The following MSN variants were observed in gnomAD, a reference collection of about 807,000 sequenced individuals.
The protein encoded by MSN is epididymis luminal protein 70.
A neutral mutation model predicts 48.0 loss-of-function variants in MSN; 2 were observed. That is an observed-to-expected ratio of 0.04 (90% CI 0.02 to 0.13). The LOEUF is 0.13. Ranked by LOEUF, MSN falls within the 10% of genes least tolerant of loss-of-function variation. The pLI is 1.00. For synonymous variants in MSN, 146 were observed against 166.9 expected, an observed-to-expected ratio of 0.87 and a Z score of 0.97; for missense variants, 267 against 470.1, an observed-to-expected ratio of 0.57 and a Z score of 3.99.
At chrX:65,615,086 T>G (rs1352971310) in intron 1 of MSN, among the ~76,000 whole-genome samples, 2 of 107,626 alleles carry the variant, frequency 1.9e-5, no homozygotes, top group East Asian at 5.8e-4. Context: ...TGCCACATTT[T>G]CTTAATCCAG....
intron 1 of MSN, among the ~76,000 whole-genome samples, chrX:65,641,633 A>G (rs2070655074): frequency 1.2e-5 from 1 of 82,476 alleles, no homozygotes; most frequent in Non-Finnish European, 2.3e-5. Flanking sequence ...AAAATGACTG[A>G]TGATACCAAG....
At chrX:65,703,175 AG>A (rs774541267) in intron 1 of MSN, among the ~76,000 whole-genome samples, 1 of 111,512 alleles carries the variant, frequency 9.0e-6, no homozygotes, top group African/African-American at 3.3e-5. Flanking sequence ...TATGGCTAAA[AG>A]GGGAGGGATT....
At chrX:65,698,768 G>C (rs1041960365) in intron 1 of MSN, among the ~76,000 whole-genome samples, 1 of 112,312 alleles carries the variant, frequency 8.9e-6, no homozygotes, top group African/African-American at 3.2e-5. Context: ...CTTCAGAGTA[G>C]AGATTGACCT....
chrX:65,679,712 A>C (rs1002778484), intron 1 of MSN, among the ~76,000 whole-genome samples: 1 of 112,350 alleles, frequency 8.9e-6, no homozygotes, highest in African/African-American at 3.2e-5. Context: ...TCTCACTGAC[A>C]CTTTATCCAG....
At chrX:65,709,843 C>A (rs376223189) in intron 1 of MSN, among the ~76,000 whole-genome samples, 2 of 111,800 alleles carry the variant, frequency 1.8e-5, no homozygotes, top group South Asian at 3.7e-4. Flanking sequence ...TCCCACCCCC[C>A]CTTAGTTTCC....
At chrX:65,682,687 A>G (rs2071069301) in intron 1 of MSN, among the ~76,000 whole-genome samples, 1 of 112,196 alleles carries the variant, frequency 8.9e-6, no homozygotes, top group South Asian at 3.7e-4. Flanking sequence ...TATCCCCGGT[A>G]CCCAACACAA....
At chrX:65,630,408 AAAAAT>A (rs1406439049) in intron 1 of MSN, among the ~76,000 whole-genome samples, 7 of 110,781 alleles carry the variant, frequency 6.3e-5, no homozygotes, top group Non-Finnish European at 1.1e-4. Flanking sequence ...CCATTTGTTA[AAAAAT>A]AAAATAAAAC....
chrX:65,649,153 C>T (rs948983019), intron 1 of MSN, among the ~76,000 whole-genome samples: 2 of 108,031 alleles, frequency 1.9e-5, no homozygotes, highest in Non-Finnish European at 3.8e-5. Flanking sequence ...GTAGACTGCT[C>T]AAGATATGGC....
intron 1 of MSN, among the ~76,000 whole-genome samples, chrX:65,621,289 G>A (rs766675037): frequency 9.0e-6 from 1 of 111,645 alleles, no homozygotes; most frequent in Non-Finnish European, 1.9e-5. Context: ...TTTTGTACAT[G>A]GTGTCAGATA....
chrX:65,677,239 T>G (rs1289705376), intron 1 of MSN, among the ~76,000 whole-genome samples: 2 of 111,725 alleles, frequency 1.8e-5, no homozygotes, highest in African/African-American at 6.5e-5. Flanking sequence ...GGTATAGAGT[T>G]GGAGGGTGAG....
intron 1 of MSN, among the ~76,000 whole-genome samples, chrX:65,704,586 C>T (rs939829977): frequency 9.0e-6 from 1 of 110,936 alleles, no homozygotes; most frequent in African/African-American, 3.3e-5. Context: ...TTAGGCCTGC[C>T]CTCTGTTGAA....
At chrX:65,714,022 C>T (rs961633822) in intron 1 of MSN, among the ~76,000 whole-genome samples, 1 of 111,530 alleles carries the variant, frequency 9.0e-6, no homozygotes, top group African/African-American at 3.3e-5. Context: ...TCAAGGGATG[C>T]GTCCATCTTG....
intron 1 of MSN, among the ~76,000 whole-genome samples, chrX:65,669,575 G>A (rs997257066): frequency 2.7e-5 from 3 of 111,510 alleles, no homozygotes; most frequent in African/African-American, 9.8e-5. Flanking sequence ...TGGAGTATAA[G>A]CTGTTTGTAG....
chrX:65,588,405 G>T, exon 1 of MSN: 1 of 232,876 alleles, frequency 4.3e-6, no homozygotes, highest in Non-Finnish European at 6.7e-6. Flanking sequence ...GGAAGAAGAG[G>T]CGCCCGGAAA....
At chrX:65,677,618 C>A (rs909866235) in intron 1 of MSN, among the ~76,000 whole-genome samples, 1 of 109,916 alleles carries the variant, frequency 9.1e-6, no homozygotes, top group South Asian at 3.9e-4. Flanking sequence ...AATAGCCGGG[C>A]GTGTTGGCGG....
intron 1 of MSN, among the ~76,000 whole-genome samples, chrX:65,676,976 C>T (rs762563090): frequency 8.1e-5 from 9 of 110,476 alleles, no homozygotes; most frequent in Admixed American, 4.8e-4. Flanking sequence ...AGGTGTGCGC[C>T]GCCACGCCCG....
rs781146487 is a variant in MSN, at chrX:65,637,365, G to A, written c.-22+48753G>A. On this transcript the variant is annotated intron_variant, in intron 1 of 3. Coordinates refer to the MSN transcript ENST00000609672. ...TGCGGTGAGCCGAGATCATGCCATC[G>A]CACTCCAGCCTGGGCAACGAGAGCA... Among the ~76,000 whole-genome samples, 11 of 104,051 alleles carry A rather than the reference G, an allele frequency of 1.1e-4. No individual in the cohort carries two copies. The South Asian group carries it at 1.7e-3, about 16-fold the overall frequency. 90.4% of individuals were successfully genotyped at this position (104,051 alleles called of 115,157 possible).
intron 1 of MSN, among the ~76,000 whole-genome samples, chrX:65,635,314 G>A (rs2070590488): frequency 9.0e-6 from 1 of 110,759 alleles, no homozygotes; most frequent in African/African-American, 3.3e-5. Flanking sequence ...GTCTTTGTCT[G>A]TCTCATTTTC....
chrX:65,615,949 T>G (rs1020167451), intron 1 of MSN, among the ~76,000 whole-genome samples: 1 of 111,191 alleles, frequency 9.0e-6, no homozygotes, highest in Non-Finnish European at 1.9e-5. Flanking sequence ...CCAGCACCAT[T>G]TATTAAATAG....
Sources: gnomAD v4.1 joint callset for allele counts (sites outside exome capture counted in the v4.1 genomes callset) on GRCh38, gnomAD v4.1.1 for gene constraint, MANE v1.5 for transcripts, NCBI Gene and HGNC (gene_info 2026-07-23, HGNC 2026-07-21) for gene names.